Variants in RBM28 observed in about 807,000 individuals in gnomAD.
RBM28 encodes RNA-binding protein 28.
In RBM28, 78 loss-of-function variants were observed where a neutral mutation model predicts 98.3. That is an observed-to-expected ratio of 0.79 (90% CI 0.66 to 0.96). The LOEUF is 0.96. RBM28 is among the 40% of genes least tolerant of loss of function. The probability of loss-of-function intolerance (pLI) is 0.00; values close to 1 mark genes in which losing one functional copy is unlikely to be tolerated. For missense variants in RBM28, 838 were observed against 913.0 expected (o/e 0.92, Z 1.06); for synonymous variants, 306 against 330.9 (o/e 0.92, Z 0.82).
rs1240851916 is a variant in RBM28 at position 128,304,817 on chromosome 7, C to T, written c.*5980G>A. 1 of 152,326 alleles carries T rather than the reference C, an allele frequency of 6.6e-6. No individual in the cohort carries two copies. Among genetic ancestry groups the T allele is most frequent in the Non-Finnish European group, 1.5e-5 (1 of 68,104 alleles). The allele number at this position is 152,326 out of a possible 1,614,324, so 9.4% of individuals were successfully genotyped here. On this transcript the variant is annotated 3_prime_UTR_variant, in exon 19 of 19. Transcript: ENST00000223073. Reference sequence around the variant, plus strand: ...CTGGCAACTGATGGCCACTGTGGTACCAGAGGAGGGATGTATGTCTGGGCA... The same window carrying T: ...CTGGCAACTGATGGCCACTGTGGTATCAGAGGAGGGATGTATGTCTGGGCA...
At position 128,338,721 on chromosome 7, in the gene RBM28, A is replaced by C; in HGVS notation, c.448+5T>G. The C allele has an allele frequency of 6.4e-7, 1 of 1,566,762 alleles. No individual in the cohort carries two copies. The highest frequency in any genetic ancestry group is 2.2e-5 in the East Asian group (1 of 44,626). On this transcript the variant is annotated splice_donor_5th_base_variant and intron_variant, in intron 4 of 18. Coordinates refer to ENST00000223073, the MANE Select transcript of RBM28 (RefSeq NM_018077.3). Reference sequence around the variant, plus strand: ...AATCCACACCAAGTGAAGGTTTATTAGTACCTGGTTTCCTAGGGATATTTA... The same window carrying C: ...AATCCACACCAAGTGAAGGTTTATTCGTACCTGGTTTCCTAGGGATATTTA...
rs927865193 is a variant in RBM28 at position 128,301,376 on chromosome 7, T to G, written c.*9421A>C. On this transcript the variant is annotated 3_prime_UTR_variant, in exon 19 of 19. Coordinates refer to ENST00000223073, the MANE Select transcript of RBM28 (RefSeq NM_018077.3). ...CCACAGCCTCCTGGGGAGATGGCTG[T>G]GAAAGTGGGCAAAGGGTGAGTCTCA... 1.3e-5 allele frequency: 2 copies of G among 152,270 alleles called. No homozygotes were observed. The highest frequency in any genetic ancestry group is 2.9e-5 in the Non-Finnish European group (2 of 68,122). The allele number at this position is 152,270 out of a possible 1,614,324, so 9.4% of individuals were successfully genotyped here. A position where few individuals can be genotyped will look rare whatever the true frequency, so the allele number is the denominator to read the frequency against.
At chr7:128,319,355 TA>T (rs1796173237) in intron 14 of RBM28, among the ~76,000 whole-genome samples, 1 of 152,192 alleles carries the variant, frequency 6.6e-6, no homozygotes, top group Non-Finnish European at 1.5e-5. Context: ...AGAATAAACA[TA>T]AATTTCTCTA....
intron 10 of RBM28, 51 bp from the exon 11 acceptor site, chr7:128,325,942 C>A: frequency 7.1e-7 from 1 of 1,416,712 alleles, no homozygotes. Flanking sequence ...ACAGATAAAC[C>A]AAAGACAACA....
chr7:128,311,029 A>G (rs1795972381), intron 18 of RBM28, 98 bp from the exon 19 acceptor site: 1 of 1,232,040 alleles, frequency 8.1e-7, no homozygotes, highest in South Asian at 1.2e-5. Context: ...AGTGGGACAG[A>G]GATCATATCT....
At chr7:128,331,962 C>G (rs997989532) in intron 9 of RBM28, among the ~76,000 whole-genome samples, 2 of 152,172 alleles carry the variant, frequency 1.3e-5, no homozygotes, top group African/African-American at 4.8e-5. Flanking sequence ...TTTGCCTTAT[C>G]TAAGATAGAC....
chr7:128,321,963 G>A (rs576606430), intron 13 of RBM28, among the ~76,000 whole-genome samples: 2 of 151,748 alleles, frequency 1.3e-5, no homozygotes, highest in East Asian at 3.9e-4. Flanking sequence ...CAGGAGAATC[G>A]CTTGAACCTG....
chr7:128,313,260 C>T lies in RBM28; in HGVS notation c.2060G>A (p.Gly687Asp), dbSNP rs569067314. 3 of 1,614,086 alleles carry T rather than the reference C, an allele frequency of 1.9e-6. No homozygotes were observed. In the African/African-American group the frequency reaches 4.0e-5, roughly 22 times the overall value. Residue 687 changes from glycine (G) to aspartate (D), a missense_variant, in exon 18 of 19, where the codon GGC becomes GAC. Coordinates refer to ENST00000223073, the MANE Select transcript of RBM28 (RefSeq NM_018077.3). ...TTTGGGATGGACGGGCTTCACTTTG[C>T]CTTTGTCCCGCAACCTGAAATAACA... The part of the protein sequence containing the change: ...RGPKIRLRDK[G>D]KVKPVHPKKP...
intron 13 of RBM28, among the ~76,000 whole-genome samples, chr7:128,322,002 C>G (rs1416374188): frequency 6.6e-6 from 1 of 150,564 alleles, no homozygotes; most frequent in Non-Finnish European, 1.5e-5. Flanking sequence ...GAGCCAGGAT[C>G]GTGCCATTGC....
chr7:128,338,371 G>A (rs1224275441), intron 4 of RBM28, 29 bp from the exon 5 acceptor site: 1 of 1,576,576 alleles, frequency 6.3e-7, no homozygotes. Flanking sequence ...AGAAAGAAGT[G>A]AGAGGCAGCA....
At chr7:128,319,062 G>T (rs563352018) in intron 14 of RBM28, among the ~76,000 whole-genome samples, 21 of 152,310 alleles carry the variant, frequency 1.4e-4, no homozygotes, top group African/African-American at 4.1e-4. Flanking sequence ...GGGCACCAAA[G>T]TATGGTAGGA....
Position 128,339,644 on chromosome 7 carries a change from T to C in RBM28, c.266A>G (p.Lys89Arg), listed in dbSNP as rs1796678753. 1.9e-6 allele frequency: 3 copies of C among 1,613,990 alleles called. No homozygotes were observed. The highest frequency in any genetic ancestry group is 2.5e-6 in the Non-Finnish European group (3 of 1,179,866). ...KKKLRNKTKE[K>R]GKNENSECPK... ...TACTAGAAACTCACCATTTTTCCCC[T>C]TTTCCTTTGTCTTGTTCCTCAGTTT... is the stretch of plus-strand genomic sequence containing the variant. The change falls in exon 2 of 19, where the codon AAG (lysine) becomes AGG (arginine). Residue 89 changes from lysine (K) to arginine (R), a missense_variant. Coordinates refer to ENST00000223073, the MANE Select transcript of RBM28 (RefSeq NM_018077.3).
chr7:128,323,621 TCAACAAGGGAATTTTCACTGAG>T (rs1333204127), intron 12 of RBM28, 30 bp from the exon 13 acceptor site: 2 of 1,612,942 alleles, frequency 1.2e-6, no homozygotes, highest in Non-Finnish European at 1.7e-6. Context: ...GGCCAAGACA[TCAACAAGGGAATTTTCACTGAG>T]CAACAAGAGG....
At chr7:128,313,778 G>A (rs1328640408) in intron 17 of RBM28, among the ~76,000 whole-genome samples, 5 of 152,106 alleles carry the variant, frequency 3.3e-5, no homozygotes, top group South Asian at 4.1e-4. Context: ...TCTCGTGACG[G>A]TGAATGAGTT....
intron 10 of RBM28, among the ~76,000 whole-genome samples, chr7:128,328,580 C>G (rs191655718): frequency 2.6e-4 from 40 of 152,238 alleles, no homozygotes; most frequent in African/African-American, 8.9e-4. Flanking sequence ...CATTAATAGA[C>G]CGCAAGGGAT....
intron 1 of RBM28, chr7:128,341,285 C>A: frequency 2.4e-6 from 2 of 825,818 alleles, no homozygotes; most frequent in Non-Finnish European, 3.4e-6. Context: ...AAGCTGCCCA[C>A]TCACCTTTCA....
intron 16 of RBM28, 45 bp downstream of exon 16, chr7:128,317,614 G>T: frequency 7.1e-7 from 1 of 1,403,036 alleles, no homozygotes. Context: ...GAACAAAATA[G>T]AAGAGTTTAT....
At chr7:128,318,922 T>C (rs970821383) in intron 14 of RBM28, among the ~76,000 whole-genome samples, 2 of 152,154 alleles carry the variant, frequency 1.3e-5, no homozygotes, top group African/African-American at 2.4e-5. Flanking sequence ...ATTTCAAGCA[T>C]AGGAAAAAGT....
rs1795749450 is a variant in RBM28 at position 128,299,205 on chromosome 7, TC to T, written c.*11591del. The stretch of plus-strand genomic sequence containing the variant: ...CAGAGGGGGTGAGGGAAAAGCACGA[TC>T]CAGCGCCTTTAATGTAGTTTCCAGC... On this transcript the variant is annotated 3_prime_UTR_variant, in exon 19 of 19. Transcript: ENST00000223073. 1 of 152,166 alleles carries T rather than the reference TC, an allele frequency of 6.6e-6. No individual in the cohort carries two copies. Among genetic ancestry groups the T allele is most frequent in the African/African-American group, 2.4e-5 (1 of 41,402 alleles). The allele number at this position is 152,166 out of a possible 1,614,324, so 9.4% of individuals were successfully genotyped here. A position where few individuals can be genotyped will look rare whatever the true frequency, so the allele number is the denominator to read the frequency against.
Sources: allele counts gnomAD v4.1 joint callset (sites outside exome capture counted in the v4.1 genomes callset), GRCh38; gene constraint gnomAD v4.1.1; transcripts MANE v1.5; gene names NCBI Gene and HGNC (gene_info 2026-07-23, HGNC 2026-07-21).